Variants in EVL observed in about 807,000 individuals in gnomAD.
The protein encoded by EVL is Enah/Vasp-like.
EVL carries 21 observed loss-of-function variants against 59.6 expected under a neutral mutation model. That is an observed-to-expected ratio of 0.35 (90% CI 0.25 to 0.51). The LOEUF (loss-of-function observed/expected upper bound fraction) is 0.51, where lower values mean the gene tolerates loss of function less well. EVL is among the 20% of genes least tolerant of loss of function. EVL has a pLI of 0.97. For synonymous variants in EVL, 198 were observed against 203.5 expected (o/e 0.97, Z 0.23); for missense variants, 462 against 546.6 (o/e 0.85, Z 1.54).
intron 1 of EVL, among the ~76,000 whole-genome samples, chr14:100,054,650 G>A (rs1000112825): frequency 1.3e-5 from 2 of 151,926 alleles, no homozygotes; most frequent in Non-Finnish European, 2.9e-5. Flanking sequence ...GCCATTTATC[G>A]TGCCTGCCTT....
intron 1 of EVL, among the ~76,000 whole-genome samples, chr14:100,083,498 A>C (rs1041689850): frequency 3.9e-5 from 6 of 152,108 alleles, no homozygotes; most frequent in African/African-American, 1.4e-4. Flanking sequence ...TGGGAATTCT[A>C]ATATGCTAGA....
chr14:99,995,416 A>C (rs2060906952), intron 1 of EVL, among the ~76,000 whole-genome samples: 1 of 151,966 alleles, frequency 6.6e-6, no homozygotes, highest in South Asian at 2.1e-4. Context: ...AGTGCTTTTG[A>C]ACCCCTCTAG....
chr14:100,066,082 G>A (rs2061924586), intron 1 of EVL, among the ~76,000 whole-genome samples: 1 of 152,122 alleles, frequency 6.6e-6, no homozygotes, highest in Non-Finnish European at 1.5e-5. Flanking sequence ...TCTCTCTAAA[G>A]GTGAGATTAC....
rs747738345 is a variant in EVL, at chr14:100,127,244, G to A, written c.487+473G>A. 3.3e-5 allele frequency among the ~76,000 whole-genome samples: 5 copies of A among 152,200 alleles called. No individual in the cohort carries two copies. Among genetic ancestry groups the A allele is most frequent in the Admixed American group, 1.3e-4 (2 of 15,292 alleles). ...TGCCACGCGTCTGTCTTGGACGTTC[G>A]GTGGAGCTTAGCACGTTAAAGGAGA... On this transcript the variant is annotated intron_variant, in intron 5 of 13. Transcript: ENST00000392920. The surrounding 1 kb of genome is among the most constrained non-coding windows in gnomAD (Gnocchi z 4.2).
chr14:100,019,026 C>T (rs1566970419), intron 1 of EVL, among the ~76,000 whole-genome samples: 2 of 152,162 alleles, frequency 1.3e-5, no homozygotes, highest in Non-Finnish European at 2.9e-5. Flanking sequence ...TGTAAGGTCA[C>T]GCTGGTCATG....
At chr14:100,119,977 C>T (rs913581901) in intron 3 of EVL, among the ~76,000 whole-genome samples, 7 of 152,154 alleles carry the variant, frequency 4.6e-5, no homozygotes, top group African/African-American at 1.4e-4. Context: ...GGTGACTCTG[C>T]GCTCTGCCAC....
upstream of EVL, among the ~76,000 whole-genome samples, chr14:100,062,442 G>A (rs1475013534): frequency 2.0e-5 from 3 of 151,266 alleles, no homozygotes; most frequent in Non-Finnish European, 4.4e-5. Flanking sequence ...AAAAAAAAGA[G>A]GTATAGCTAA....
At chr14:99,985,192 A>G (rs563363601) in intron 1 of EVL, among the ~76,000 whole-genome samples, 36 of 152,096 alleles carry the variant, frequency 2.4e-4, no homozygotes, top group African/African-American at 8.7e-4. Context: ...ATAGAGAGCT[A>G]TGGAGACCTA....
chr14:99,996,878 T>C (rs1311508522), intron 1 of EVL, among the ~76,000 whole-genome samples: 1 of 152,210 alleles, frequency 6.6e-6, no homozygotes, highest in Admixed American at 6.5e-5. Context: ...CTCGAACTCC[T>C]GAGTTCAAGC....
At chr14:99,978,381 G>A (rs1168244924) in intron 1 of EVL, among the ~76,000 whole-genome samples, 9 of 150,626 alleles carry the variant, frequency 6.0e-5, no homozygotes, top group Non-Finnish European at 1.0e-4. Flanking sequence ...CAGCCTGGGC[G>A]ACAGAGCGAG....
intron 1 of EVL, among the ~76,000 whole-genome samples, chr14:99,995,871 G>A (rs990993513): frequency 1.9e-4 from 29 of 152,078 alleles, no homozygotes; most frequent in Admixed American, 6.5e-5. Context: ...TTCACTTCCC[G>A]ATTTCCATCT....
intron 13 of EVL, among the ~76,000 whole-genome samples, chr14:100,142,815 G>A (rs922055942): frequency 4.7e-4 from 72 of 152,310 alleles, no homozygotes; most frequent in African/African-American, 1.6e-3. Flanking sequence ...TGGTCACACC[G>A]CCTTACTGCT....
At chr14:100,097,452 C>A (rs138040015) in intron 2 of EVL, 29 bp from the exon 3 acceptor site, 21 of 1,576,746 alleles carry the variant, frequency 1.3e-5, no homozygotes, top group Middle Eastern at 1.7e-4. Context: ...TATTTATTTA[C>A]ACGTATTTCT....
chr14:100,141,062 A>C, intron 11 of EVL, 118 bp from the exon 12 acceptor site: 1 of 911,088 alleles, frequency 1.1e-6, no homozygotes, highest in South Asian at 1.7e-5. Flanking sequence ...GTCTGAAGCA[A>C]GCAGCCTCTA....
At chr14:100,007,887 G>C (rs984114505) in intron 1 of EVL, among the ~76,000 whole-genome samples, 1 of 152,194 alleles carries the variant, frequency 6.6e-6, no homozygotes, top group African/African-American at 2.4e-5. Context: ...GTGTAGGGCA[G>C]AGTTCCTCAA....
At chr14:100,105,696 G>C (rs1886517911) in intron 3 of EVL, among the ~76,000 whole-genome samples, 1 of 151,932 alleles carries the variant, frequency 6.6e-6, no homozygotes, top group Admixed American at 6.6e-5. Flanking sequence ...GTTATCCGTG[G>C]CATGTCTGTC....
exon 1 of EVL, chr14:99,971,458 C>T (rs1056782508): frequency 3.3e-5 from 5 of 151,900 alleles, no homozygotes; most frequent in African/African-American, 9.7e-5. Context: ...CGGTGGGGCC[C>T]CGCGCCTTTT....
chr14:100,092,808 T>A (rs910530544), intron 2 of EVL, among the ~76,000 whole-genome samples: 3 of 152,120 alleles, frequency 2.0e-5, no homozygotes, highest in Admixed American at 6.6e-5. Flanking sequence ...TCATAAAGAT[T>A]GTGTTGAGGG....
At chr14:100,004,070 G>A (rs1021215309) in intron 1 of EVL, among the ~76,000 whole-genome samples, 3 of 152,222 alleles carry the variant, frequency 2.0e-5, no homozygotes, top group African/African-American at 7.2e-5. Flanking sequence ...TGCATGTGGT[G>A]ACGTGCGCCT....
Sources: gnomAD v4.1 joint callset for allele counts (sites outside exome capture counted in the v4.1 genomes callset) on GRCh38, gnomAD v4.1.1 for gene constraint, Gnocchi (gnomAD v3.1) non-coding constraint, MANE v1.5 for transcripts, NCBI Gene and HGNC (gene_info 2026-07-23, HGNC 2026-07-21) for gene names.